The following GPM6A variants were observed in gnomAD, a reference collection of about 807,000 sequenced individuals.
The protein encoded by GPM6A is glycoprotein M6A.
A neutral mutation model predicts 32.1 loss-of-function variants in GPM6A; 7 were observed. That is an observed-to-expected ratio of 0.22 (90% CI 0.12 to 0.41). The LOEUF is 0.41. Ranked by LOEUF, GPM6A falls within the 10% of genes least tolerant of loss-of-function variation. The pLI, the probability that GPM6A is intolerant of heterozygous loss-of-function variation, is 1.00. For synonymous variants in GPM6A, 130 were observed against 123.4 expected, an observed-to-expected ratio of 1.05 and a Z score of -0.35; for missense variants, 235 against 347.2, an observed-to-expected ratio of 0.68 and a Z score of 2.57.
At chr4:175,674,215 T>C (rs1451440242) in intron 2 of GPM6A, among the ~76,000 whole-genome samples, 2 of 152,220 alleles carry the variant, frequency 1.3e-5, no homozygotes, top group Admixed American at 1.3e-4. Context: ...GACTGCTCTG[T>C]TGCCCAGTCT....
rs1179250789 is a variant in GPM6A, at chr4:175,650,294, ATTTATTTATTTATTTATTTATT to A, written c.541+1518_541+1539del. ...ATTTTATTTATTTATTTATTTATTT[ATTTATTTATTTATTTATTTATT>A]TATTTTGAGATGGAGTCTCACTCTG... On this transcript the variant is annotated intron_variant, in intron 4 of 6. Transcript: ENST00000393658. Among the ~76,000 whole-genome samples, 4 of 67,890 alleles carry A rather than the reference ATTTATTTATTTATTTATTTATT, an allele frequency of 5.9e-5. No individual in the cohort carries two copies. The East Asian group carries it at 3.8e-3, about 65-fold the overall frequency. 44.5% of individuals were successfully genotyped at this position (67,890 alleles called of 152,430 possible). A position where few individuals can be genotyped will look rare whatever the true frequency, so the allele number is the denominator to read the frequency against.
intron 2 of GPM6A, among the ~76,000 whole-genome samples, chr4:175,684,190 G>A (rs1226957106): frequency 6.6e-6 from 1 of 152,132 alleles, no homozygotes; most frequent in Non-Finnish European, 1.5e-5. Context: ...CAATGTAAGA[G>A]AGGGCTAAGA....
chr4:175,792,528 T>C (rs1163921096), intron 1 of GPM6A, among the ~76,000 whole-genome samples: 1 of 152,206 alleles, frequency 6.6e-6, no homozygotes, highest in Non-Finnish European at 1.5e-5. Context: ...GTAAAGATAC[T>C]CTATAAAATT....
At chr4:175,847,729 A>G (rs1374128384) in intron 1 of GPM6A, among the ~76,000 whole-genome samples, 1 of 152,206 alleles carries the variant, frequency 6.6e-6, no homozygotes, top group African/African-American at 2.4e-5. Flanking sequence ...GTTAAGATCT[A>G]TGATAAGGAG....
chr4:175,654,842 G>T (rs1360734759), intron 3 of GPM6A, among the ~76,000 whole-genome samples: 1 of 152,080 alleles, frequency 6.6e-6, no homozygotes, highest in East Asian at 1.9e-4. Flanking sequence ...GAAGCACATT[G>T]CTTTGGAGGA....
intron 1 of GPM6A, among the ~76,000 whole-genome samples, chr4:175,784,953 G>A (rs528997245): frequency 6.9e-4 from 105 of 152,306 alleles, no homozygotes; most frequent in African/African-American, 2.4e-3. Context: ...TTTGGTAATA[G>A]TCAAAGATCT....
At chr4:175,662,554 C>T (rs1364906771) in intron 3 of GPM6A, among the ~76,000 whole-genome samples, 3 of 151,846 alleles carry the variant, frequency 2.0e-5, no homozygotes, top group Non-Finnish European at 4.4e-5. Flanking sequence ...GAGCCGAGAT[C>T]GCACCACTGC....
rs571266769 is a variant in GPM6A at position 175,714,460 on chromosome 4, T to C, written c.38-12693A>G. Among the ~76,000 whole-genome samples, 351 of 152,254 alleles carry C rather than the reference T, an allele frequency of 2.3e-3. 1 individual carries two copies. The highest frequency in any genetic ancestry group is 8.2e-3 in the African/African-American group (340 of 41,544). ...GTGCAGTGGTGTGATCGTAGCTCAC[T>C]GCAGCCTTGACCTCCAGGACTCAAG... is the stretch of plus-strand genomic sequence containing the variant. On this transcript the variant is annotated intron_variant, in intron 1 of 6. Coordinates refer to ENST00000393658, the MANE Select transcript of GPM6A (RefSeq NM_201591.3).
At chr4:175,670,861 ATTTTT>A (rs33998725) in intron 3 of GPM6A, among the ~76,000 whole-genome samples, 1 of 124,172 alleles carries the variant, frequency 8.1e-6, no homozygotes, top group Admixed American at 8.5e-5. Flanking sequence ...ATGTTGCTTC[ATTTTT>A]TTTTTTTTTT....
intron 1 of GPM6A, among the ~76,000 whole-genome samples, chr4:175,853,656 G>A (rs1270397613): frequency 1.3e-5 from 2 of 151,350 alleles, no homozygotes; most frequent in Non-Finnish European, 2.9e-5. Flanking sequence ...ATGTTCCAAG[G>A]AATTCAAAAC....
chr4:175,870,570 C>T (rs1481072922), intron 1 of GPM6A, among the ~76,000 whole-genome samples: 1 of 152,158 alleles, frequency 6.6e-6, no homozygotes, highest in African/African-American at 2.4e-5. Context: ...CATGGCTCTC[C>T]TTATGGACTG....
At chr4:175,702,161 T>C (rs1013760740) in intron 1 of GPM6A, among the ~76,000 whole-genome samples, 19 of 152,366 alleles carry the variant, frequency 1.2e-4, no homozygotes, top group African/African-American at 4.6e-4. Context: ...TCTGTGTATC[T>C]GCATTTTTCT....
chr4:175,800,917 T>G (rs940846479), intron 1 of GPM6A: 26 of 196,736 alleles, frequency 1.3e-4, no homozygotes, highest in African/African-American at 6.1e-4. Flanking sequence ...TTATTCTATC[T>G]AAGGAAAAAC....
At chr4:175,764,104 A>G (rs1463999930) in intron 1 of GPM6A, among the ~76,000 whole-genome samples, 1 of 152,174 alleles carries the variant, frequency 6.6e-6, no homozygotes, top group Non-Finnish European at 1.5e-5. Flanking sequence ...CATCACCACT[A>G]TCTAATTCCA....
chr4:175,974,130 A>C (rs1351069734), intron 1 of GPM6A, among the ~76,000 whole-genome samples: 1 of 152,032 alleles, frequency 6.6e-6, no homozygotes, highest in Non-Finnish European at 1.5e-5. Flanking sequence ...CTACTTGGGA[A>C]GCTAAGGCAG....
chr4:175,867,238 C>T (rs183556327), intron 1 of GPM6A, among the ~76,000 whole-genome samples: 3 of 152,244 alleles, frequency 2.0e-5, no homozygotes, highest in Admixed American at 1.3e-4. Flanking sequence ...TTTCACAGGG[C>T]AGAAGTTTTT....
intron 1 of GPM6A, among the ~76,000 whole-genome samples, chr4:175,821,944 A>C (rs1183370734): frequency 1.3e-5 from 2 of 152,044 alleles, no homozygotes; most frequent in Non-Finnish European, 2.9e-5. Context: ...TTTACTGTGC[A>C]TTCTAGGGTC....
chr4:175,764,041 C>A (rs2111216476), intron 1 of GPM6A, among the ~76,000 whole-genome samples: 1 of 152,228 alleles, frequency 6.6e-6, no homozygotes, highest in East Asian at 1.9e-4. Context: ...CAAAGTTCAC[C>A]ATTTTGAAGT....
chr4:175,922,953 G>T (rs973544103), intron 1 of GPM6A, among the ~76,000 whole-genome samples: 1 of 151,906 alleles, frequency 6.6e-6, no homozygotes, highest in African/African-American at 2.4e-5. Context: ...CACTACAATT[G>T]CCCTATAATT....
Sources: gnomAD v4.1 joint callset for allele counts (sites outside exome capture counted in the v4.1 genomes callset) on GRCh38, gnomAD v4.1.1 for gene constraint, MANE v1.5 for transcripts, NCBI Gene and HGNC (gene_info 2026-07-23, HGNC 2026-07-21) for gene names.